Variants in COX10 observed in about 807,000 individuals in gnomAD.
The protein encoded by COX10 is protoheme IX farnesyltransferase, mitochondrial.
A neutral mutation model predicts 37.3 loss-of-function variants in COX10; 27 were observed. The observed-to-expected ratio is 0.72, with a 90% CI of 0.53 to 1.00. COX10 has a LOEUF of 1.00. COX10 is among the 50% of genes least tolerant of loss of function. The pLI, the probability that COX10 is intolerant of heterozygous loss-of-function variation, is 0.00. For missense variants in COX10, 475 were observed against 563.2 expected, an observed-to-expected ratio of 0.84 and a Z score of 1.59; for synonymous variants, 222 against 229.1, an observed-to-expected ratio of 0.97 and a Z score of 0.28.
At chr17:14,077,903 A>G (rs1333838818) in intron 3 of COX10, among the ~76,000 whole-genome samples, 2 of 146,940 alleles carry the variant, frequency 1.4e-5, no homozygotes, top group Non-Finnish European at 3.0e-5. Flanking sequence ...GAGAGCAGAG[A>G]AGGATCAGGG....
chr17:14,186,977 A>G (rs1210414984), intron 5 of COX10, among the ~76,000 whole-genome samples: 6 of 111,960 alleles, frequency 5.4e-5, no homozygotes, highest in Non-Finnish European at 1.0e-4. Flanking sequence ...AACTTGTCTT[A>G]TTTTAAGGTT....
At chr17:14,073,877 A>C (rs1451598949) in intron 1 of COX10, among the ~76,000 whole-genome samples, 1 of 152,184 alleles carries the variant, frequency 6.6e-6, no homozygotes, top group African/African-American at 2.4e-5. Context: ...CTCTATTGAG[A>C]ACTGTTTCTT....
chr17:14,117,870 T>A (rs1267645179), intron 4 of COX10, among the ~76,000 whole-genome samples: 1 of 152,104 alleles, frequency 6.6e-6, no homozygotes, highest in Non-Finnish European at 1.5e-5. Flanking sequence ...ACATGTGGGC[T>A]TGGAGGATGA....
chr17:14,181,334 T>C (rs2142256070), intron 5 of COX10, among the ~76,000 whole-genome samples: 1 of 151,932 alleles, frequency 6.6e-6, no homozygotes, highest in East Asian at 1.9e-4. Context: ...TGGCCTGCTG[T>C]GCCAGGCTGG....
At chr17:14,081,883 G>A (rs1915303253) in intron 3 of COX10, among the ~76,000 whole-genome samples, 1 of 152,178 alleles carries the variant, frequency 6.6e-6, no homozygotes, top group Non-Finnish European at 1.5e-5. Context: ...TGGTGGTGTT[G>A]AGACTTAAGA....
chr17:14,159,159 A>G (rs1905119253), intron 4 of COX10, among the ~76,000 whole-genome samples: 1 of 152,162 alleles, frequency 6.6e-6, no homozygotes, highest in Non-Finnish European at 1.5e-5. Context: ...TGCTGGCACC[A>G]AGATGTAAAT....
rs557173056 is a variant in COX10, at chr17:14,118,095, C to T, written c.624+15853C>T. On this transcript the variant is annotated intron_variant, in intron 4 of 6. Transcript: ENST00000261643. ...TGCTGGTGTCTGTCGGTTTGTTTTT[C>T]TGCTTCTCTTGACATCCAGCTGCTT... is the stretch of plus-strand genomic sequence containing the variant. 2.0e-5 allele frequency among the ~76,000 whole-genome samples: 3 copies of T among 152,208 alleles called. No homozygotes were observed. The South Asian group carries it at 6.2e-4, about 32-fold the overall frequency.
intron 6 of COX10, among the ~76,000 whole-genome samples, chr17:14,198,870 G>A (rs1906446234): frequency 6.6e-6 from 1 of 152,126 alleles, no homozygotes; most frequent in African/African-American, 2.4e-5. Flanking sequence ...AACCAAGCTT[G>A]AAAATGAGTA....
At chr17:14,155,801 G>A (rs1485776748) in intron 4 of COX10, among the ~76,000 whole-genome samples, 2 of 152,100 alleles carry the variant, frequency 1.3e-5, no homozygotes, top group Non-Finnish European at 2.9e-5. Context: ...GGCTCATTGT[G>A]TTGGGGGGAA....
At chr17:14,153,556 T>A (rs1348488928) in intron 4 of COX10, among the ~76,000 whole-genome samples, 1 of 152,248 alleles carries the variant, frequency 6.6e-6, no homozygotes, top group Non-Finnish European at 1.5e-5. Context: ...CACTTTCTTC[T>A]GATAGCCAGT....
chr17:14,100,398 T>C (rs1354836760), intron 3 of COX10, among the ~76,000 whole-genome samples: 2 of 151,664 alleles, frequency 1.3e-5, no homozygotes, highest in Non-Finnish European at 2.9e-5. Context: ...GGAGTCAGAG[T>C]GTAGTAAGTG....
At chr17:14,097,012 G>A (rs1915667618) in intron 3 of COX10, among the ~76,000 whole-genome samples, 1 of 152,026 alleles carries the variant, frequency 6.6e-6, no homozygotes, top group Admixed American at 6.6e-5. Context: ...TGCTTCATTG[G>A]CAACATTGAT....
At chr17:14,182,761 A>G (rs1175871213) in intron 5 of COX10, among the ~76,000 whole-genome samples, 1 of 151,704 alleles carries the variant, frequency 6.6e-6, no homozygotes, top group Non-Finnish European at 1.5e-5. Context: ...TATGAAATTA[A>G]TTTTTGTCTA....
chr17:14,179,351 G>A (rs1331373114), intron 5 of COX10: 1 of 251,560 alleles, frequency 4.0e-6, no homozygotes, highest in African/African-American at 2.3e-5. Flanking sequence ...TCTTAAAGAT[G>A]TCAAGGCCTA....
At chr17:14,187,294 C>A (rs987757401) in intron 5 of COX10, among the ~76,000 whole-genome samples, 5 of 151,986 alleles carry the variant, frequency 3.3e-5, no homozygotes, top group Admixed American at 3.3e-4. Flanking sequence ...GATATTTATC[C>A]CAACATGCTT....
At chr17:14,074,740 G>T (rs1242365318) in intron 2 of COX10, among the ~76,000 whole-genome samples, 3 of 152,220 alleles carry the variant, frequency 2.0e-5, no homozygotes, top group Non-Finnish European at 4.4e-5. Flanking sequence ...ATTGGGAAAA[G>T]CTGAACTGTT....
intron 4 of COX10, among the ~76,000 whole-genome samples, chr17:14,139,635 C>T (rs1448165219): frequency 6.6e-6 from 1 of 151,978 alleles, no homozygotes; most frequent in African/African-American, 2.4e-5. Flanking sequence ...ATAGTGATTG[C>T]GAGCTTAGGT....
At chr17:14,130,494 C>T (rs1916439618) in intron 4 of COX10, among the ~76,000 whole-genome samples, 1 of 145,972 alleles carries the variant, frequency 6.9e-6, no homozygotes, top group Non-Finnish European at 1.5e-5. Context: ...AATTCTAGCT[C>T]TACTTATTAG....
At chr17:14,163,590 A>C (rs994066332) in intron 5 of COX10, among the ~76,000 whole-genome samples, 2 of 152,210 alleles carry the variant, frequency 1.3e-5, no homozygotes, top group African/African-American at 4.8e-5. Context: ...ATGTCAGTTT[A>C]TATCAAATCA....
Sources: gnomAD v4.1 joint callset for allele counts (sites outside exome capture counted in the v4.1 genomes callset) on GRCh38, gnomAD v4.1.1 for gene constraint, MANE v1.5 for transcripts, NCBI Gene and HGNC (gene_info 2026-07-23, HGNC 2026-07-21) for gene names.